The following BNC2 variants were observed in gnomAD, a reference collection of about 807,000 sequenced individuals.
BNC2 encodes the protein basonuclin zinc finger protein 2, also known as zinc finger protein basonuclin-2.
A neutral mutation model predicts 76.3 loss-of-function variants in BNC2; 20 were observed. The ratio of observed to expected loss-of-function variants is 0.26; its 90% CI spans 0.18 to 0.38. The LOEUF (loss-of-function observed/expected upper bound fraction) is 0.38. Among genes scored for constraint, BNC2 ranks in the 10% least tolerant of loss-of-function variants. The pLI, the probability that BNC2 is intolerant of heterozygous loss-of-function variation, is 1.00. For synonymous variants in BNC2, 582 were observed against 514.8 expected (o/e 1.13, Z -1.77); for missense variants, 1,382 against 1,399.8 (o/e 0.99, Z 0.20).
At position 16,847,251 on chromosome 9, in the gene BNC2, C is replaced by A. The variant is rs574138674; in HGVS notation, c.3+23395G>T. Among the ~76,000 whole-genome samples, 3 of 152,212 alleles carry A rather than the reference C, an allele frequency of 2.0e-5. No homozygotes were observed. In the South Asian group the frequency reaches 6.2e-4, roughly 32 times the overall value. ...AAACAAAGTTTTTGGCACTATATGA[C>A]AGAGAACTTAAACCAAGACTCAAAG... On this transcript the variant is annotated intron_variant, in intron 1 of 6. Coordinates refer to ENST00000380672, the MANE Select transcript of BNC2 (RefSeq NM_017637.6).
At chr9:16,609,620 A>G (rs1033277024) in intron 3 of BNC2, among the ~76,000 whole-genome samples, 45 of 152,198 alleles carry the variant, frequency 3.0e-4, no homozygotes, top group African/African-American at 1.1e-3. Context: ...AGATGGCTAC[A>G]AACTATTCAG....
chr9:16,675,774 T>C (rs1381438174), intron 3 of BNC2, among the ~76,000 whole-genome samples: 2 of 152,160 alleles, frequency 1.3e-5, no homozygotes, highest in Admixed American at 6.5e-5. Context: ...ACTTAAGTAA[T>C]TTCCAGCTTT....
rs59888253 is a variant in BNC2, at chr9:16,732,162, A to AAAAAAAAAAGAAAG, written c.130-4166_130-4165insCTTTCTTTTTTTTT. On this transcript the variant is annotated intron_variant, in intron 2 of 6. Coordinates refer to ENST00000380672, the MANE Select transcript of BNC2 (RefSeq NM_017637.6). ...GTTTTTCCCTCCATTTCCTGCAAAA[A>AAAAAAAAAAGAAAG]AAAAAGAAAAAGAAACAAAAAAGAA... 4.9e-5 allele frequency among the ~76,000 whole-genome samples: 6 copies of AAAAAAAAAAGAAAG among 123,588 alleles called. 1 individual carries two copies. The highest frequency in any genetic ancestry group is 1.8e-4 in the African/African-American group (6 of 33,922). 81.1% of individuals were successfully genotyped at this position (123,588 alleles called of 152,430 possible). A position where few individuals can be genotyped will look rare whatever the true frequency, so the allele number is the denominator to read the frequency against.
intron 3 of BNC2, among the ~76,000 whole-genome samples, chr9:16,692,625 C>T (rs111463074): frequency 3.9e-5 from 6 of 152,012 alleles, no homozygotes; most frequent in Non-Finnish European, 7.4e-5. Flanking sequence ...TTTGAGACCA[C>T]GATGGAAGCC....
chr9:16,728,782 A>G (rs1262358947), intron 2 of BNC2, among the ~76,000 whole-genome samples: 1 of 152,230 alleles, frequency 6.6e-6, no homozygotes, highest in East Asian at 1.9e-4. Context: ...TGCCAAATAT[A>G]AATATATACT....
chr9:16,793,860 G>GTTTTTTT (rs377349585), intron 1 of BNC2, among the ~76,000 whole-genome samples: 1,184 of 96,242 alleles, frequency 0.012, 88 homozygotes, highest in Non-Finnish European at 0.019. Flanking sequence ...TGTGGTTTTT[G>GTTTTTTT]TTTTTTTGTT....
chr9:16,501,907 G>A (rs569834548), intron 5 of BNC2, among the ~76,000 whole-genome samples: 3 of 152,180 alleles, frequency 2.0e-5, no homozygotes, highest in Non-Finnish European at 4.4e-5. Flanking sequence ...AAAGAACAGA[G>A]AATAAGTGAC....
chr9:16,656,860 G>T (rs926179473), intron 3 of BNC2, among the ~76,000 whole-genome samples: 15 of 152,128 alleles, frequency 9.9e-5, no homozygotes, highest in African/African-American at 3.6e-4. Flanking sequence ...AAGATTAGAG[G>T]CACTGGGGAT....
At chr9:16,547,775 T>C (rs1367816982) in intron 5 of BNC2, among the ~76,000 whole-genome samples, 3 of 152,080 alleles carry the variant, frequency 2.0e-5, no homozygotes, top group African/African-American at 7.2e-5. Context: ...TGTTCAGAAC[T>C]AAGTACTTCA....
At chr9:16,425,249 A>T (rs1227241723) in intron 6 of BNC2, among the ~76,000 whole-genome samples, 1 of 152,196 alleles carries the variant, frequency 6.6e-6, no homozygotes, top group Non-Finnish European at 1.5e-5. Context: ...AGCTCCTACC[A>T]AACTCTTTAG....
At chr9:16,635,845 G>C (rs1056625847) in intron 3 of BNC2, among the ~76,000 whole-genome samples, 17 of 152,160 alleles carry the variant, frequency 1.1e-4, no homozygotes, top group African/African-American at 3.6e-4. Context: ...AGGCAAATTT[G>C]CTTATTTAAA....
At chr9:16,707,695 G>A (rs1823720265) in intron 3 of BNC2, among the ~76,000 whole-genome samples, 1 of 152,188 alleles carries the variant, frequency 6.6e-6, no homozygotes. Flanking sequence ...GGGCTGGAGT[G>A]CAGTGGCACG....
At chr9:16,832,956 C>A (rs945133625) in intron 1 of BNC2, among the ~76,000 whole-genome samples, 2 of 152,032 alleles carry the variant, frequency 1.3e-5, no homozygotes, top group African/African-American at 2.4e-5. Context: ...AATCTCTTGA[C>A]CTGGTGATCC....
Position 16,444,039 on chromosome 9 carries a change from A to G in BNC2, c.670-6515T>C, listed in dbSNP as rs542152300. Among the ~76,000 whole-genome samples the G allele has an allele frequency of 3.3e-5, 5 of 152,300 alleles. No homozygotes were observed. The East Asian group carries it at 9.6e-4, about 29-fold the overall frequency. ...TGAACTCTCACACACATAACTCAAC[A>G]TGTACAGCTTTCCACTGTTTATAAG... On this transcript the variant is annotated intron_variant, in intron 5 of 6. Transcript: ENST00000380672.
At chr9:16,761,194 G>C (rs1825542424) in intron 1 of BNC2, among the ~76,000 whole-genome samples, 1 of 152,174 alleles carries the variant, frequency 6.6e-6, no homozygotes. Flanking sequence ...GTTGCAGTGA[G>C]CCATGATTGT....
intron 5 of BNC2, among the ~76,000 whole-genome samples, chr9:16,450,437 T>G (rs980457034): frequency 6.6e-6 from 1 of 152,184 alleles, no homozygotes; most frequent in African/African-American, 2.4e-5. Flanking sequence ...TGACTGCCAT[T>G]TATTATCTTA....
At chr9:16,566,734 A>G (rs1184332001) in intron 4 of BNC2, among the ~76,000 whole-genome samples, 1 of 152,190 alleles carries the variant, frequency 6.6e-6, no homozygotes, top group Non-Finnish European at 1.5e-5. Flanking sequence ...ATAGCTATAG[A>G]AAAAGGTGTA....
chr9:16,539,750 G>GAAGGA (rs1563830943), intron 5 of BNC2, among the ~76,000 whole-genome samples: 3,216 of 84,446 alleles, frequency 0.038, 289 homozygotes, highest in South Asian at 0.048. Context: ...GAAGGGAAGG[G>GAAGGA]AAGGAAAGGA....
rs778852681 is a variant in BNC2 at position 16,436,103 on chromosome 9, G to A, written c.2091C>T (p.Thr697=). The A allele has an allele frequency of 1.2e-6, 2 of 1,614,084 alleles. No homozygotes were observed. The highest frequency in any genetic ancestry group is 1.7e-6 in the Non-Finnish European group (2 of 1,180,026). ...TTATTTCAGTCCTTGAAATGCACCG[G>A]GTCCTGTTATGCTTAGAAAAGTCCT... ...SVKDFSKHNR[T]RCISRTEIRR... is the part of the protein sequence containing the mutation. The change falls in exon 6 of 7, where the codon ACC becomes ACT. Residue 697 remains threonine, a synonymous_variant. Coordinates refer to ENST00000380672, the MANE Select transcript of BNC2 (RefSeq NM_017637.6).
Sources: allele counts gnomAD v4.1 joint callset (sites outside exome capture counted in the v4.1 genomes callset), GRCh38; gene constraint gnomAD v4.1.1; transcripts MANE v1.5; gene names NCBI Gene and HGNC (gene_info 2026-07-23, HGNC 2026-07-21).